SH3KBP1: variants seen among roughly 807,000 people sequenced by gnomAD.
SH3KBP1 encodes the protein SH3 domain-containing kinase-binding protein 1.
A neutral mutation model predicts 50.1 loss-of-function variants in SH3KBP1; 8 were observed. That is an observed-to-expected ratio of 0.16 (90% confidence interval 0.09 to 0.29). SH3KBP1 has a LOEUF of 0.29. Ranked by LOEUF, SH3KBP1 falls within the 10% of genes least tolerant of loss-of-function variation. The pLI, the probability that SH3KBP1 is intolerant of heterozygous loss-of-function variation, is 1.00. For synonymous variants in SH3KBP1, 227 were observed against 218.6 expected (o/e 1.04, Z -0.34); for missense variants, 377 against 535.2 (o/e 0.70, Z 2.92).
intron 2 of SH3KBP1, among the ~76,000 whole-genome samples, chrX:19,800,585 C>T (rs1458667631): frequency 8.9e-6 from 1 of 111,994 alleles, no homozygotes; most frequent in Non-Finnish European, 1.9e-5. Flanking sequence ...CATTTATTTC[C>T]CACATATGTT....
chrX:19,797,009 T>C (rs1444011591), intron 2 of SH3KBP1, among the ~76,000 whole-genome samples: 2 of 112,421 alleles, frequency 1.8e-5, no homozygotes, highest in Non-Finnish European at 3.8e-5. Context: ...ATTCAACAAA[T>C]ATCTGTTGAG....
chrX:19,668,967 TA>T lies in SH3KBP1; in HGVS notation c.726+14855del, dbSNP rs1569405018. On this transcript the variant is annotated intron_variant, in intron 6 of 17. Transcript: ENST00000397821. Reference sequence around the variant, plus strand: ...ATATATATATATATATATATATATATATATATATTTTTTGAGACAGGCTGTC... The same window carrying T: ...ATATATATATATATATATATATATATTATATATTTTTTGAGACAGGCTGTC... Among the ~76,000 whole-genome samples, 187 of 50,455 alleles carry T rather than the reference TA, an allele frequency of 3.7e-3. 2 individuals carry two copies. The highest frequency in any genetic ancestry group is 0.022 in the African/African-American group (150 of 6,827). The allele number at this position is 50,455 out of a possible 115,157, so 43.8% of individuals were successfully genotyped here.
chrX:19,542,273 G>A (rs920127979), intron 15 of SH3KBP1, 80 bp from the exon 16 acceptor site: 24 of 929,019 alleles, frequency 2.6e-5, no homozygotes, highest in East Asian at 6.9e-5. Context: ...CAAACTCTCC[G>A]TTAACACCAC....
Position 19,783,145 on chromosome X carries a change from A to C in SH3KBP1, c.163-36704T>G, listed in dbSNP as rs181036665. Among the ~76,000 whole-genome samples the C allele has an allele frequency of 2.4e-3, 273 of 111,891 alleles. 2 individuals are homozygous for C. The highest frequency in any genetic ancestry group is 2.5e-3 in the Non-Finnish European group (132 of 53,128). On this transcript the variant is annotated intron_variant, in intron 2 of 17. Transcript: ENST00000397821. ...AAAAACAATAACAAAATGACCATTG[A>C]GTCTCACTGACTCTGGAGGCAGCTC...
At chrX:19,831,392 C>A (rs749953673) in intron 2 of SH3KBP1, among the ~76,000 whole-genome samples, 6 of 83,132 alleles carry the variant, frequency 7.2e-5, no homozygotes, top group East Asian at 3.5e-4. Flanking sequence ...CCAGCCTGGG[C>A]AACAGAGTGC....
chrX:19,560,319 G>C (rs2147762812), intron 13 of SH3KBP1, among the ~76,000 whole-genome samples: 1 of 110,992 alleles, frequency 9.0e-6, no homozygotes, highest in East Asian at 2.8e-4. Flanking sequence ...AAGAGACAAA[G>C]GAAAGAATAA....
At chrX:19,646,629 G>A (rs771884443) in intron 6 of SH3KBP1, among the ~76,000 whole-genome samples, 1 of 112,039 alleles carries the variant, frequency 8.9e-6, no homozygotes, top group East Asian at 2.8e-4. Context: ...AAACTGGCAT[G>A]GTAGAATTTT....
intron 5 of SH3KBP1, 36 bp downstream of exon 5, chrX:19,695,576 C>T (rs770304976): frequency 3.3e-6 from 4 of 1,203,228 alleles, no homozygotes; most frequent in South Asian, 1.8e-5. Flanking sequence ...GCCGGTCCCC[C>T]GCCCCTCTCC....
intron 1 of SH3KBP1, among the ~76,000 whole-genome samples, chrX:19,886,912 C>G (rs2069602148): frequency 1.8e-5 from 2 of 108,152 alleles, no homozygotes; most frequent in Admixed American, 1.9e-4. Flanking sequence ...AGCAGCCCCG[C>G]GCAGGGCCGG....
chrX:19,725,703 G>A (rs1026951368), intron 3 of SH3KBP1, among the ~76,000 whole-genome samples: 3 of 111,217 alleles, frequency 2.7e-5, no homozygotes, highest in Non-Finnish European at 5.7e-5. Flanking sequence ...AGGTGGGTCT[G>A]CCCAGAGCAT....
At chrX:19,571,526 C>T (rs1382465917) in intron 12 of SH3KBP1, among the ~76,000 whole-genome samples, 2 of 112,168 alleles carry the variant, frequency 1.8e-5, no homozygotes, top group Admixed American at 9.4e-5. Context: ...TGAAGGTAAC[C>T]TGAATGAAAT....
At chrX:19,607,878 CA>C in intron 9 of SH3KBP1, 59 bp downstream of exon 9, 2 of 964,951 alleles carry the variant, frequency 2.1e-6, no homozygotes, top group Non-Finnish European at 3.0e-6. Flanking sequence ...AAACTTCCCC[CA>C]TCCCAAGTCC....
chrX:19,617,382 G>A (rs984344988), intron 8 of SH3KBP1, among the ~76,000 whole-genome samples: 6 of 112,188 alleles, frequency 5.3e-5, no homozygotes, highest in Non-Finnish European at 1.1e-4. Flanking sequence ...CCCTCAAAAA[G>A]ATTGTTTCTT....
chrX:19,716,193 C>A (rs890751276), intron 3 of SH3KBP1, among the ~76,000 whole-genome samples: 2 of 112,091 alleles, frequency 1.8e-5, no homozygotes, highest in African/African-American at 6.5e-5. Context: ...GGAAACATTT[C>A]CACTCGTCAT....
At chrX:19,654,174 T>C (rs1469153674) in intron 6 of SH3KBP1, among the ~76,000 whole-genome samples, 1 of 111,792 alleles carries the variant, frequency 8.9e-6, no homozygotes, top group Non-Finnish European at 1.9e-5. Context: ...CTATCATTTA[T>C]CATGTAGTTT....
chrX:19,740,523 A>G (rs1015427064), intron 3 of SH3KBP1, among the ~76,000 whole-genome samples: 2 of 112,266 alleles, frequency 1.8e-5, no homozygotes, highest in African/African-American at 6.5e-5. Flanking sequence ...CATAAACACC[A>G]GCTCCTTAAG....
chrX:19,808,819 G>C (rs1314282847), intron 2 of SH3KBP1, among the ~76,000 whole-genome samples: 1 of 112,101 alleles, frequency 8.9e-6, no homozygotes, highest in Non-Finnish European at 1.9e-5. Flanking sequence ...TCAGTTCTCT[G>C]TTAATTTCCA....
chrX:19,836,588 G>A (rs770641474), intron 1 of SH3KBP1, among the ~76,000 whole-genome samples: 102 of 111,736 alleles, frequency 9.1e-4, no homozygotes, highest in Non-Finnish European at 1.8e-3. Context: ...CCCAGAGGGT[G>A]TCCAGCATTG....
chrX:19,629,187 G>A (rs1029514567), intron 8 of SH3KBP1, among the ~76,000 whole-genome samples: 3 of 110,092 alleles, frequency 2.7e-5, no homozygotes, highest in Admixed American at 1.9e-4. Flanking sequence ...AACATGGTCT[G>A]AGTCAAGTTA....
Sources: allele counts gnomAD v4.1 joint callset (sites outside exome capture counted in the v4.1 genomes callset), GRCh38; gene constraint gnomAD v4.1.1; transcripts MANE v1.5; gene names NCBI Gene and HGNC (gene_info 2026-07-23, HGNC 2026-07-21).